The following ADAM22 variants were observed in gnomAD, a reference collection of about 807,000 sequenced individuals.
ADAM22 encodes the protein ADAM metallopeptidase domain 22.
A neutral mutation model predicts 144.6 loss-of-function variants in ADAM22; 65 were observed. The ratio of observed to expected loss-of-function variants is 0.45; its 90% CI spans 0.37 to 0.55. The LOEUF is 0.55. Among genes scored for constraint, ADAM22 ranks in the 20% least tolerant of loss-of-function variants. The pLI is 0.00. For synonymous variants in ADAM22, 391 were observed against 412.6 expected, an observed-to-expected ratio of 0.95 and a Z score of 0.63; for missense variants, 974 against 1,184.9, an observed-to-expected ratio of 0.82 and a Z score of 2.61.
chr7:88,034,998 C>T (rs1801168817), intron 3 of ADAM22, among the ~76,000 whole-genome samples: 2 of 152,132 alleles, frequency 1.3e-5, no homozygotes, highest in Admixed American at 6.5e-5. Context: ...TCACCTGATT[C>T]TTGGTTCTTA....
intron 3 of ADAM22, among the ~76,000 whole-genome samples, chr7:88,029,479 C>T (rs1799748531): frequency 6.6e-6 from 1 of 151,954 alleles, no homozygotes; most frequent in South Asian, 2.1e-4. Context: ...ATCTTTTTGT[C>T]TTTCTGTGTA....
intron 2 of ADAM22, among the ~76,000 whole-genome samples, chr7:87,967,827 A>AAC (rs1361353626): frequency 2.0e-5 from 3 of 151,154 alleles, no homozygotes; most frequent in African/African-American, 7.3e-5. Flanking sequence ...AAAAAAAAAA[A>AAC]AAAGTATATT....
intron 4 of ADAM22, among the ~76,000 whole-genome samples, chr7:88,103,369 A>G (rs1823472479): frequency 6.6e-6 from 1 of 152,170 alleles, no homozygotes; most frequent in Admixed American, 6.6e-5. Context: ...TCTGTTTAAT[A>G]AAAATGTGGT....
At chr7:87,945,263 C>A (rs1234839929) in intron 2 of ADAM22, among the ~76,000 whole-genome samples, 1 of 152,040 alleles carries the variant, frequency 6.6e-6, no homozygotes, top group South Asian at 2.1e-4. Context: ...AATGAAGAGT[C>A]CCTAAGTTAG....
chr7:88,152,293 T>C (rs1281364308), intron 20 of ADAM22, among the ~76,000 whole-genome samples: 4 of 152,186 alleles, frequency 2.6e-5, no homozygotes. Context: ...TATCCTTTGA[T>C]TAGTTTGCAT....
chr7:87,945,764 C>T (rs958824543), intron 2 of ADAM22, among the ~76,000 whole-genome samples: 1 of 152,130 alleles, frequency 6.6e-6, no homozygotes, highest in Non-Finnish European at 1.5e-5. Flanking sequence ...CCACCCGCCT[C>T]GGCCTCCCAA....
intron 31 of ADAM22, among the ~76,000 whole-genome samples, chr7:88,196,084 G>A (rs967710359): frequency 3.9e-5 from 6 of 152,228 alleles, no homozygotes; most frequent in African/African-American, 1.4e-4. Flanking sequence ...TGCAGCTGAG[G>A]TTGAGAACCA....
intron 2 of ADAM22, among the ~76,000 whole-genome samples, chr7:87,953,192 T>C (rs1845710603): frequency 6.6e-6 from 1 of 152,164 alleles, no homozygotes; most frequent in Non-Finnish European, 1.5e-5. Context: ...AGCTTTTGAA[T>C]GTGTTTGTTC....
Position 88,198,097 on chromosome 7 carries a change from G to T in ADAM22, c.*1606G>T, listed in dbSNP as rs1850868945. On this transcript the variant is annotated 3_prime_UTR_variant, in exon 32 of 32. Transcript: ENST00000413139. ...AAGTATACTTCTGATTTCCTCATTT[G>T]CTGTGTGTTCTTAAGAGGAATGGAA... 6.6e-6 allele frequency: 1 copy of T among 152,090 alleles called. No homozygotes were observed. Among genetic ancestry groups the T allele is most frequent in the Non-Finnish European group, 1.5e-5 (1 of 68,002 alleles). The allele number at this position is 152,090 out of a possible 1,614,324, so 9.4% of individuals were successfully genotyped here. A position where few individuals can be genotyped will look rare whatever the true frequency, so the allele number is the denominator to read the frequency against.
intron 4 of ADAM22, among the ~76,000 whole-genome samples, chr7:88,077,540 C>T (rs570049505): frequency 2.6e-5 from 4 of 152,168 alleles, no homozygotes; most frequent in Non-Finnish European, 4.4e-5. Flanking sequence ...CAAAGCAGTG[C>T]GAGGCATCGC....
At chr7:88,065,754 A>G (rs1811070697) in intron 3 of ADAM22, among the ~76,000 whole-genome samples, 1 of 152,108 alleles carries the variant, frequency 6.6e-6, no homozygotes, top group African/African-American at 2.4e-5. Context: ...TTTCACAATG[A>G]TAGTGTATGG....
At chr7:88,115,443 G>A (rs1827521893) in intron 6 of ADAM22, among the ~76,000 whole-genome samples, 1 of 152,134 alleles carries the variant, frequency 6.6e-6, no homozygotes, top group Non-Finnish European at 1.5e-5. Context: ...AGTCCAAGGT[G>A]CCATCAGGGT....
chr7:88,078,824 C>G (rs559985906), intron 4 of ADAM22, among the ~76,000 whole-genome samples: 7 of 152,232 alleles, frequency 4.6e-5, no homozygotes, highest in Admixed American at 4.6e-4. Context: ...ATGAGCAAAG[C>G]CTCCAAGAAA....
intron 4 of ADAM22, among the ~76,000 whole-genome samples, chr7:88,084,822 C>T (rs560820622): frequency 6.6e-6 from 1 of 152,292 alleles, no homozygotes; most frequent in East Asian, 1.9e-4. Flanking sequence ...GTGGCTTAAA[C>T]AATAGAAATG....
chr7:88,047,412 C>G (rs779257636), intron 3 of ADAM22, among the ~76,000 whole-genome samples: 59 of 152,182 alleles, frequency 3.9e-4, no homozygotes, highest in Non-Finnish European at 4.7e-4. Flanking sequence ...TCACCAAGAT[C>G]TTTTCTTTTC....
rs1554478638 is a variant in ADAM22, at chr7:88,113,699, A to AT, written c.474-885_474-884insT. Among the ~76,000 whole-genome samples the AT allele has an allele frequency of 7.8e-3, 307 of 39,324 alleles. 1 individual carries two copies. Among genetic ancestry groups the AT allele is most frequent in the African/African-American group, 0.018 (159 of 8,800 alleles). 25.8% of individuals were successfully genotyped at this position (39,324 alleles called of 152,430 possible). On this transcript the variant is annotated intron_variant, in intron 5 of 31. Transcript: ENST00000413139. ...ATAATATATATATTATAAATAAATAAATAAATATATATATATATATATATA... is the reference window on the plus strand; with the variant it reads ...ATAATATATATATTATAAATAAATAATATAAATATATATATATATATATATA...
chr7:88,002,182 T>C lies in ADAM22; in HGVS notation c.323+23770T>C, dbSNP rs117982116. On this transcript the variant is annotated intron_variant, in intron 3 of 31. Transcript: ENST00000413139. ...GGAAATCCAGCGTAGTTCTGGTTTT[T>C]GGTCTCTAGGACTCTGTTGCTCTCT... 6.1e-3 allele frequency among the ~76,000 whole-genome samples: 931 copies of C among 152,328 alleles called. 12 individuals carry two copies. The highest frequency in any genetic ancestry group is 0.046 in the East Asian group (238 of 5,180).
intron 23 of ADAM22, 137 bp from the exon 24 acceptor site, chr7:88,165,695 T>C (rs1158749184): frequency 2.2e-6 from 1 of 461,452 alleles, no homozygotes; most frequent in Non-Finnish European, 3.8e-6. Context: ...ATAATGTAAT[T>C]AGTATTAAGA....
intron 3 of ADAM22, among the ~76,000 whole-genome samples, chr7:88,007,214 G>C (rs1395987994): frequency 6.6e-6 from 1 of 152,076 alleles, no homozygotes; most frequent in Non-Finnish European, 1.5e-5. Flanking sequence ...CCTCTTCAAG[G>C]AGAACTACAA....
Sources: allele counts gnomAD v4.1 joint callset (sites outside exome capture counted in the v4.1 genomes callset), GRCh38; gene constraint gnomAD v4.1.1; transcripts MANE v1.5; gene names NCBI Gene and HGNC (gene_info 2026-07-23, HGNC 2026-07-21).